The following FAM210A variants were observed in gnomAD, a reference collection of about 807,000 sequenced individuals.
FAM210A encodes family with sequence similarity 210 member A.
A neutral mutation model predicts 25.3 loss-of-function variants in FAM210A; 13 were observed. That is an observed-to-expected ratio of 0.51 (90% CI 0.33 to 0.82). FAM210A has a LOEUF of 0.82. FAM210A is among the 40% of genes least tolerant of loss of function. The pLI, the probability that FAM210A is intolerant of heterozygous loss-of-function variation, is 0.02. For synonymous variants in FAM210A, 125 were observed against 118.7 expected (o/e 1.05, Z -0.35); for missense variants, 319 against 323.2 (o/e 0.99, Z 0.10).
chr18:13,726,171 ACCCGTCTGGCAGTCGTACACTGCCACAG>A (rs1258929680), intron 1 of FAM210A, among the ~76,000 whole-genome samples, 130 bp downstream of exon 1: 1 of 151,846 alleles, frequency 6.6e-6, no homozygotes, highest in Non-Finnish European at 1.5e-5. Context: ...AGTGTGGACG[ACCCGTCTGGCAGTCGTACACTGCCACAG>A]CCCGAAGAGC....
At chr18:13,724,048 C>T (rs1349157942) in intron 1 of FAM210A, among the ~76,000 whole-genome samples, 1 of 152,020 alleles carries the variant, frequency 6.6e-6, no homozygotes, top group Non-Finnish European at 1.5e-5. Flanking sequence ...ACAGAAATCA[C>T]ACTTTAAAAT....
At chr18:13,701,165 C>T (rs1351741815) in intron 1 of FAM210A, among the ~76,000 whole-genome samples, 1 of 150,964 alleles carries the variant, frequency 6.6e-6, no homozygotes, top group Non-Finnish European at 1.5e-5. Context: ...AAGCAAGGTA[C>T]CTGCTGGACC....
chr18:13,674,901 T>C (rs1347117896), intron 2 of FAM210A, among the ~76,000 whole-genome samples: 2 of 134,006 alleles, frequency 1.5e-5, no homozygotes, highest in African/African-American at 5.5e-5. Flanking sequence ...CCGACTTCTT[T>C]ATTTCCAGTT....
At chr18:13,671,156 T>C (rs2043438228) in intron 3 of FAM210A, among the ~76,000 whole-genome samples, 2 of 148,900 alleles carry the variant, frequency 1.3e-5, no homozygotes, top group African/African-American at 2.4e-5. Context: ...TTAAAAACAG[T>C]AAAATAGGGG....
intron 1 of FAM210A, among the ~76,000 whole-genome samples, chr18:13,703,345 C>G (rs151114859): frequency 0.012 from 1,891 of 152,276 alleles, 43 homozygotes; most frequent in African/African-American, 0.04. Flanking sequence ...GAGATGTCCC[C>G]AACCCCACTG....
chr18:13,696,486 C>T (rs771478148), intron 1 of FAM210A, among the ~76,000 whole-genome samples: 2 of 152,106 alleles, frequency 1.3e-5, no homozygotes, highest in Non-Finnish European at 2.9e-5. Flanking sequence ...GACTTGTATC[C>T]AATACAGTCA....
At chr18:13,683,098 T>C (rs565390820) in intron 1 of FAM210A, among the ~76,000 whole-genome samples, 3 of 152,238 alleles carry the variant, frequency 2.0e-5, no homozygotes, top group African/African-American at 4.8e-5. Context: ...AAAATGAAGA[T>C]GACTTTACAG....
chr18:13,688,886 C>T (rs541806340), intron 1 of FAM210A, among the ~76,000 whole-genome samples: 40 of 152,348 alleles, frequency 2.6e-4, no homozygotes, highest in South Asian at 2.3e-3. Flanking sequence ...CGTGCTTTCT[C>T]CTGTGATGGG....
At chr18:13,667,230 C>A (rs183914367) in intron 3 of FAM210A, among the ~76,000 whole-genome samples, 2 of 152,184 alleles carry the variant, frequency 1.3e-5, no homozygotes, top group Non-Finnish European at 2.9e-5. Flanking sequence ...CCTATGCTAC[C>A]TTCTCATCAC....
At chr18:13,710,062 C>T (rs2149068272) in intron 1 of FAM210A, among the ~76,000 whole-genome samples, 1 of 152,292 alleles carries the variant, frequency 6.6e-6, no homozygotes, top group East Asian at 1.9e-4. Flanking sequence ...AGATAATATC[C>T]CTCCCTAAAA....
intron 1 of FAM210A, among the ~76,000 whole-genome samples, chr18:13,684,249 A>T (rs981107727): frequency 6.6e-6 from 1 of 152,054 alleles, no homozygotes; most frequent in Non-Finnish European, 1.5e-5. Flanking sequence ...ATAAAAAAAA[A>T]TTAGCCGGGC....
At chr18:13,708,542 C>G (rs184646251) in intron 1 of FAM210A, among the ~76,000 whole-genome samples, 2 of 152,128 alleles carry the variant, frequency 1.3e-5, no homozygotes, top group African/African-American at 4.8e-5. Context: ...TAACCTGTTA[C>G]GGGGATTGTT....
At chr18:13,699,134 G>A (rs564819008) in intron 1 of FAM210A, among the ~76,000 whole-genome samples, 2 of 152,284 alleles carry the variant, frequency 1.3e-5, no homozygotes, top group South Asian at 4.1e-4. Context: ...TACTTTGGCT[G>A]CTGTTTTAAA....
intron 2 of FAM210A, among the ~76,000 whole-genome samples, chr18:13,673,515 C>A (rs1395832363): frequency 1.3e-5 from 2 of 151,184 alleles, no homozygotes; most frequent in Non-Finnish European, 2.9e-5. Flanking sequence ...GCCCCGGCTT[C>A]TTGATTTCCA....
chr18:13,687,313 G>A (rs2043605965), intron 1 of FAM210A, among the ~76,000 whole-genome samples: 1 of 152,148 alleles, frequency 6.6e-6, no homozygotes. Context: ...GATGTCAGGT[G>A]ATGGTTCAGC....
At position 13,666,719 on chromosome 18, in the gene FAM210A, G is replaced by T. The variant is rs1369564130; in HGVS notation, c.586-6C>A. 1 of 1,605,632 alleles carries T rather than the reference G, an allele frequency of 6.2e-7. No individual in the cohort carries two copies. The highest frequency in any genetic ancestry group is 2.2e-5 in the East Asian group (1 of 44,678). On this transcript the variant is annotated splice_polypyrimidine_tract_variant and splice_region_variant and intron_variant, in intron 3 of 3. Coordinates refer to ENST00000651643, the MANE Select transcript of FAM210A (RefSeq NM_152352.4). The stretch of plus-strand genomic sequence containing the variant: ...TACCGAGCAGGTGTTGCAATCTTAA[G>T]CAAAAAGCAAACAGAGGCAAATCAA...
chr18:13,693,831 A>G (rs1293500557), intron 1 of FAM210A, among the ~76,000 whole-genome samples: 1 of 152,236 alleles, frequency 6.6e-6, no homozygotes, highest in Admixed American at 6.5e-5. Flanking sequence ...CAAGACAGGG[A>G]TGCCCTCTCT....
chr18:13,692,172 A>C (rs1460927364), intron 1 of FAM210A, among the ~76,000 whole-genome samples: 4 of 151,748 alleles, frequency 2.6e-5, no homozygotes, highest in African/African-American at 9.7e-5. Context: ...CATAATGGTA[A>C]AGGGATCAAT....
At chr18:13,706,975 T>C (rs769763322) in intron 1 of FAM210A, among the ~76,000 whole-genome samples, 2 of 152,196 alleles carry the variant, frequency 1.3e-5, no homozygotes, top group Non-Finnish European at 2.9e-5. Flanking sequence ...TCCAAACTCT[T>C]GGTACTATCC....
Sources: gnomAD v4.1 joint callset for allele counts (sites outside exome capture counted in the v4.1 genomes callset) on GRCh38, gnomAD v4.1.1 for gene constraint, MANE v1.5 for transcripts, NCBI Gene and HGNC (gene_info 2026-07-23, HGNC 2026-07-21) for gene names.